OR9K2: variants seen among roughly 807,000 people sequenced by gnomAD.
OR9K2 encodes olfactory receptor 9K2.
A neutral mutation model predicts 12.4 loss-of-function variants in OR9K2; 16 were observed. That is an observed-to-expected ratio of 1.29 (90% confidence interval 0.87 to 1.95). The LOEUF is 1.95. Among genes scored for constraint, OR9K2 ranks in the 30% most tolerant of loss-of-function variants. The probability of loss-of-function intolerance (pLI) is 0.00; values close to 1 mark genes in which losing one functional copy is unlikely to be tolerated. For synonymous variants in OR9K2, 133 were observed against 133.2 expected (o/e 1.00, Z 0.01); for missense variants, 434 against 376.5 (o/e 1.15, Z -1.26).
chr12:55,132,681 T>C lies in OR9K2; in HGVS notation c.*1905T>C, dbSNP rs1953483434. ...AAATTCATACAAATAGGTCTATAAA[T>C]TGGAAAAGAAGAGAAAACGTTCCTT... On this transcript the variant is annotated 3_prime_UTR_variant, in exon 3 of 3. Transcript: ENST00000641329. 1 of 152,192 alleles carries C rather than the reference T, an allele frequency of 6.6e-6. No homozygotes were observed. Among genetic ancestry groups the C allele is most frequent in the South Asian group, 2.1e-4 (1 of 4,834 alleles). The allele number at this position is 152,192 out of a possible 1,614,324, so 9.4% of individuals were successfully genotyped here.
At chr12:55,127,245 T>C (rs1005015432) in intron 2 of OR9K2, among the ~76,000 whole-genome samples, 1 of 151,878 alleles carries the variant, frequency 6.6e-6, no homozygotes, top group Non-Finnish European at 1.5e-5. Context: ...AAGGATATTA[T>C]TGTCAAGTGA....
In OR9K2 at chr12:55,130,617, G is replaced by A; in HGVS notation, c.783G>A (p.Met261Ile). The change falls in exon 3 of 3, where the codon ATG becomes ATA. Residue 261 changes from methionine (M) to isoleucine (I), a missense_variant. By Grantham distance (10) the Met-to-Ile change is conservative. Transcript: ENST00000641329. ...VSVLYGAVFFMYLTPDRFPEL... is the reference protein window; with the variant it reads ...VSVLYGAVFFIYLTPDRFPEL... ...TGCTGTATGGTGCTGTCTTTTTTAT[G>A]TATCTCACTCCTGACAGATTTCCTG... 1.2e-6 allele frequency: 2 copies of A among 1,613,850 alleles called. No individual in the cohort carries two copies. The highest frequency in any genetic ancestry group is 2.2e-5 in the South Asian group (2 of 91,066).
Position 55,130,306 on chromosome 12 carries a change from A to G in OR9K2, c.472A>G (p.Ser158Gly), listed in dbSNP as rs1953462563. ...TGGTTCCTATTTTTGTGGCTGCATT[A>G]GCTCAGTTATTCAGACTAGCATGAC... ...VAGSYFCGCISSVIQTSMTFT... is the reference protein window; with the variant it reads ...VAGSYFCGCIGSVIQTSMTFT... The change falls in exon 3 of 3, where the codon AGC (serine) becomes GGC (glycine). Residue 158 changes from serine to glycine, a missense_variant. Transcript: ENST00000641329. 6.2e-7 allele frequency: 1 copy of G among 1,613,840 alleles called. No individual in the cohort carries two copies. Among genetic ancestry groups the G allele is most frequent in the Admixed American group, 1.7e-5 (1 of 59,954 alleles).
In OR9K2 at chr12:55,131,281, CTAA is replaced by C. The variant is rs1438130692; in HGVS notation, c.*512_*514del. On this transcript the variant is annotated 3_prime_UTR_variant, in exon 3 of 3. Transcript: ENST00000641329. ...CCTTATGTGTGCTAGATAGGAAGTA[CTAA>C]TAATAAGAAACAAACTATAAGTAAT... 3.9e-5 allele frequency: 6 copies of C among 152,568 alleles called. No individual in the cohort carries two copies. The highest frequency in any genetic ancestry group is 3.4e-3 in the Middle Eastern group (1 of 294). The allele number at this position is 152,568 out of a possible 1,614,324, so 9.5% of individuals were successfully genotyped here.
rs1220619259 is a variant in OR9K2, at chr12:55,131,008, T to G, written c.*232T>G. 3 of 354,578 alleles carry G rather than the reference T, an allele frequency of 8.5e-6. No homozygotes were observed. The highest frequency in any genetic ancestry group is 4.4e-5 in the Admixed American group (1 of 22,742). 22.0% of individuals were successfully genotyped at this position (354,578 alleles called of 1,614,324 possible). A position where few individuals can be genotyped will look rare whatever the true frequency, so the allele number is the denominator to read the frequency against. On this transcript the variant is annotated 3_prime_UTR_variant, in exon 3 of 3. Transcript: ENST00000641329. ...GTATTTTCATGATAAACCCTCTCAC[T>G]GGTCTTCAACATTTTATTTCACAGA...
At chr12:55,127,095 G>T (rs538980087) in intron 2 of OR9K2, among the ~76,000 whole-genome samples, 184 bp downstream of exon 2, 44 of 151,664 alleles carry the variant, frequency 2.9e-4, no homozygotes, top group Non-Finnish European at 6.0e-4. Flanking sequence ...TAATAAGTTT[G>T]TTTTTTTATA....
intron 2 of OR9K2, among the ~76,000 whole-genome samples, chr12:55,127,840 T>C (rs1219943345): frequency 6.6e-6 from 1 of 152,042 alleles, no homozygotes; most frequent in Non-Finnish European, 1.5e-5. Flanking sequence ...CCATAAATGG[T>C]GCTAAGTGAT....
At chr12:55,128,036 C>T (rs1165149798) in intron 2 of OR9K2, among the ~76,000 whole-genome samples, 1 of 151,896 alleles carries the variant, frequency 6.6e-6, no homozygotes, top group African/African-American at 2.4e-5. Flanking sequence ...CTAACCACTG[C>T]AGTATTGGAT....
chr12:55,127,163 T>C (rs1290586255), intron 2 of OR9K2, among the ~76,000 whole-genome samples: 2 of 151,990 alleles, frequency 1.3e-5, no homozygotes, highest in African/African-American at 4.8e-5. Flanking sequence ...TAATATGTAT[T>C]GAATTATTGT....
chr12:55,127,271 A>C (rs1479504361), intron 2 of OR9K2, among the ~76,000 whole-genome samples: 2 of 151,772 alleles, frequency 1.3e-5, no homozygotes, highest in South Asian at 2.1e-4. Flanking sequence ...AATTACTATT[A>C]ATAATAATAT....
rs373940747 is a variant in OR9K2 at position 55,130,771 on chromosome 12, C to A, written c.937C>A (p.Leu313Ile). 2.7e-6 allele frequency: 4 copies of A among 1,507,048 alleles called. No individual in the cohort carries two copies. The South Asian group carries it at 4.8e-5, about 18-fold the overall frequency. 93.4% of individuals were successfully genotyped at this position (1,507,048 alleles called of 1,614,324 possible). Residue 313 changes from leucine to isoleucine, a missense_variant, in exon 3 of 3, where the codon CTT becomes ATT. Transcript: ENST00000641329. ...KKFLEKKNII[L>I] ...ATTTCTAGAGAAGAAAAATATTATT[C>A]TTTGATTATTATTTCTCTTTCACCA...
Position 55,130,417 on chromosome 12 carries a change from C to T in OR9K2, c.583C>T (p.Leu195Phe). The T allele has an allele frequency of 2.5e-6, 4 of 1,613,818 alleles. No homozygotes were observed. Among genetic ancestry groups the T allele is most frequent in the Non-Finnish European group, 2.5e-6 (3 of 1,179,828 alleles). Residue 195 changes from leucine to phenylalanine, a missense_variant, in exon 3 of 3, where the codon CTC becomes TTC. Transcript: ENST00000641329. ...RPLQRLSCSD[L>F]FIHRMISFSL... ...ACTTCAGAGACTGTCTTGTTCTGAT[C>T]TCTTTATCCATAGAATGATATCTTT...
At position 55,131,279 on chromosome 12, in the gene OR9K2, T is replaced by C. The variant is rs566329314; in HGVS notation, c.*503T>C. ...CACCTTATGTGTGCTAGATAGGAAGTACTAATAATAAGAAACAAACTATAA... is the reference window on the plus strand; with the variant it reads ...CACCTTATGTGTGCTAGATAGGAAGCACTAATAATAAGAAACAAACTATAA... On this transcript the variant is annotated 3_prime_UTR_variant, in exon 3 of 3. Coordinates refer to ENST00000641329, the MANE Select transcript of OR9K2 (RefSeq NM_001005243.2). 1 of 152,674 alleles carries C rather than the reference T, an allele frequency of 6.5e-6. No homozygotes were observed. Among genetic ancestry groups the C allele is most frequent in the East Asian group, 1.9e-4 (1 of 5,204 alleles). The allele number at this position is 152,674 out of a possible 1,614,324, so 9.5% of individuals were successfully genotyped here. A position where few individuals can be genotyped will look rare whatever the true frequency, so the allele number is the denominator to read the frequency against.
intron 1 of OR9K2, 28 bp downstream of exon 1, chr12:55,126,544 G>A (rs767451986): frequency 1.3e-5 from 2 of 151,970 alleles, no homozygotes; most frequent in Admixed American, 6.6e-5. Flanking sequence ...ATAGATTTTT[G>A]TTCCTGGAAT....
rs2136279648 is a variant in OR9K2 at position 55,132,300 on chromosome 12, T to C, written c.*1524T>C. 6.6e-6 allele frequency: 1 copy of C among 152,342 alleles called. No homozygotes were observed. The highest frequency in any genetic ancestry group is 2.1e-4 in the South Asian group (1 of 4,828). The allele number at this position is 152,342 out of a possible 1,614,324, so 9.4% of individuals were successfully genotyped here. On this transcript the variant is annotated 3_prime_UTR_variant, in exon 3 of 3. Transcript: ENST00000641329. ...ATGGTATTCCCTCAAAATTCATGTG[T>C]TGAAGCCCTAAACCCTAGTACTTCA...
chr12:55,130,409 G>A lies in OR9K2; in HGVS notation c.575G>A (p.Cys192Tyr). The A allele has an allele frequency of 6.2e-7, 1 of 1,613,836 alleles. No homozygotes were observed. Among genetic ancestry groups the A allele is most frequent in the Non-Finnish European group, 8.5e-7 (1 of 1,179,872 alleles). ...TCTCGCCCACTTCAGAGACTGTCTT[G>A]TTCTGATCTCTTTATCCATAGAATG... ...CDSRPLQRLS[C>Y]SDLFIHRMIS... is the part of the protein sequence containing the mutation. Residue 192 changes from cysteine (C) to tyrosine (Y), a missense_variant, in exon 3 of 3, where the codon TGT (cysteine) becomes TAT (tyrosine). Transcript: ENST00000641329.
chr12:55,130,607 T>C lies in OR9K2; in HGVS notation c.773T>C (p.Val258Ala). The change falls in exon 3 of 3, where the codon GTC becomes GCC. Residue 258 changes from valine to alanine, a missense_variant. Coordinates refer to ENST00000641329, the MANE Select transcript of OR9K2 (RefSeq NM_001005243.2). The part of the protein sequence containing the change: ...LGVVSVLYGA[V>A]FFMYLTPDRF... ...GTTGTGAGTGTGCTGTATGGTGCTGTCTTTTTTATGTATCTCACTCCTGAC... is the reference window on the plus strand; with the variant it reads ...GTTGTGAGTGTGCTGTATGGTGCTGCCTTTTTTATGTATCTCACTCCTGAC... 6.2e-7 allele frequency: 1 copy of C among 1,613,968 alleles called. No homozygotes were observed.
chr12:55,131,921 A>G lies in OR9K2; in HGVS notation c.*1145A>G, dbSNP rs12321681. On this transcript the variant is annotated 3_prime_UTR_variant, in exon 3 of 3. Coordinates refer to ENST00000641329, the MANE Select transcript of OR9K2 (RefSeq NM_001005243.2). ...ATTAATGAACAAAGGCAGATTTTTT[A>G]AACTGCAGGTAAAAGACCCAAAATA... The G allele has an allele frequency of 6.6e-6, 1 of 151,974 alleles. No homozygotes were observed. Among genetic ancestry groups the G allele is most frequent in the Non-Finnish European group, 1.5e-5 (1 of 67,990 alleles). 9.4% of individuals were successfully genotyped at this position (151,974 alleles called of 1,614,324 possible). A position where few individuals can be genotyped will look rare whatever the true frequency, so the allele number is the denominator to read the frequency against.
At chr12:55,127,739 C>G (rs1402448882) in intron 2 of OR9K2, among the ~76,000 whole-genome samples, 2 of 151,894 alleles carry the variant, frequency 1.3e-5, no homozygotes, top group Non-Finnish European at 2.9e-5. Context: ...TGGTTTTCAA[C>G]CTAATAAGCA....
Sources: allele counts gnomAD v4.1 joint callset (sites outside exome capture counted in the v4.1 genomes callset), GRCh38; gene constraint gnomAD v4.1.1; transcripts MANE v1.5; gene names NCBI Gene and HGNC (gene_info 2026-07-23, HGNC 2026-07-21).